MTMR10: variants seen among roughly 807,000 people sequenced by gnomAD.
MTMR10 encodes the protein myotubularin-related protein 10.
Under a neutral mutation model 88.1 loss-of-function variants are expected in MTMR10, and 56 were observed. That is an observed-to-expected ratio of 0.64 (90% CI 0.51 to 0.79). The LOEUF (loss-of-function observed/expected upper bound fraction) is 0.79. Ranked by LOEUF, MTMR10 falls within the 30% of genes least tolerant of loss-of-function variation. MTMR10 has a pLI of 0.00. For synonymous variants in MTMR10, 380 were observed against 340.9 expected (o/e 1.11, Z -1.26); for missense variants, 883 against 924.7 (o/e 0.95, Z 0.58).
Position 30,974,423 on chromosome 15 carries a change from C to A in MTMR10, c.365G>T (p.Gly122Val). The A allele has an allele frequency of 6.3e-7, 1 of 1,582,830 alleles. No individual in the cohort carries two copies. Among genetic ancestry groups the A allele is most frequent in the African/African-American group, 1.4e-5 (1 of 73,868 alleles). ...NDHKRKQKVL[G>V]PNQKLKFNPT... ...ATTAAATTTCAGTTTCTGGTTGGGG[C>A]CTAGGACTTTCTGCTTCCTCTTGTG... Residue 122 changes from glycine to valine, a missense_variant, in exon 5 of 16, where the codon GGC (glycine) becomes GTC (valine). Physicochemically the swap from Gly to Val is moderately radical, Grantham distance 109. Coordinates refer to ENST00000435680, the MANE Select transcript of MTMR10 (RefSeq NM_017762.3).
chr15:30,926,016 G>A, the MTMR10 span: 1 of 1,435,834 alleles, frequency 7.0e-7, no homozygotes, highest in Non-Finnish European at 9.7e-7. Context: ...TGTCAGCAGT[G>A]GGCTGCTGTC....
chr15:30,972,237 A>G (rs2063545939), intron 5 of MTMR10, among the ~76,000 whole-genome samples: 1 of 152,204 alleles, frequency 6.6e-6, no homozygotes. Context: ...TTCACTTGAA[A>G]TAAAAGAATA....
chr15:30,978,339 C>G (rs2141055900), intron 2 of MTMR10, among the ~76,000 whole-genome samples: 1 of 152,258 alleles, frequency 6.6e-6, no homozygotes, highest in South Asian at 2.1e-4. Flanking sequence ...ATGTTAGTGC[C>G]TAGAACAGTG....
chr15:30,990,120 TC>T (rs2031214383), intron 2 of MTMR10, among the ~76,000 whole-genome samples: 1 of 151,888 alleles, frequency 6.6e-6, no homozygotes, highest in Admixed American at 6.6e-5. Context: ...GAGATTTTTG[TC>T]CCCCAGAGGT....
chr15:30,946,696 C>T (rs2063176001), intron 14 of MTMR10: 1 of 701,516 alleles, frequency 1.4e-6, no homozygotes, highest in African/African-American at 1.8e-5. Context: ...GTCATAAATC[C>T]TCTACATCAA....
chr15:30,975,193 T>C (rs950712004), intron 3 of MTMR10, among the ~76,000 whole-genome samples, 190 bp from the exon 4 acceptor site: 5 of 152,148 alleles, frequency 3.3e-5, no homozygotes, highest in African/African-American at 1.2e-4. Flanking sequence ...AACAATCTTA[T>C]TATAATACCT....
chr15:30,976,586 G>A (rs924069190), intron 3 of MTMR10, among the ~76,000 whole-genome samples: 4 of 152,160 alleles, frequency 2.6e-5, no homozygotes, highest in South Asian at 2.1e-4. Context: ...TATAATGAAC[G>A]ATCACAGAGG....
chr15:30,957,869 A>G (rs887255996), intron 9 of MTMR10, among the ~76,000 whole-genome samples: 2 of 152,168 alleles, frequency 1.3e-5, no homozygotes, highest in Non-Finnish European at 2.9e-5. Flanking sequence ...GGAGACATGG[A>G]AGGAGGAAAT....
chr15:30,985,048 A>T (rs2030855272), intron 2 of MTMR10, among the ~76,000 whole-genome samples: 1 of 152,076 alleles, frequency 6.6e-6, no homozygotes, highest in Non-Finnish European at 1.5e-5. Flanking sequence ...CACACTCAAT[A>T]CCTGCAGAAC....
chr15:30,957,394 C>T (rs562563997), intron 9 of MTMR10, among the ~76,000 whole-genome samples: 2 of 152,286 alleles, frequency 1.3e-5, no homozygotes, highest in African/African-American at 4.8e-5. Context: ...GGAGAGAAGG[C>T]TTATCTTGAG....
At chr15:30,927,024 G>A in the MTMR10 span, 16 of 985,378 alleles carry the variant, frequency 1.6e-5, no homozygotes, top group Non-Finnish European at 1.9e-5. Context: ...TAGGAGTTAA[G>A]GAACGAACCA....
At chr15:30,930,868 G>A in the MTMR10 span, among the ~76,000 whole-genome samples, 3 of 152,168 alleles carry the variant, frequency 2.0e-5, no homozygotes, top group African/African-American at 7.2e-5. Context: ...GAGCCCCAGA[G>A]TGTGAGCAAG....
chr15:30,946,407 G>A (rs531920113), intron 14 of MTMR10: 1 of 269,468 alleles, frequency 3.7e-6, no homozygotes, highest in East Asian at 7.1e-5. Flanking sequence ...TGGAACATGG[G>A]CCTAGCACTT....
At chr15:30,973,415 T>C (rs946176894) in intron 5 of MTMR10, among the ~76,000 whole-genome samples, 6 of 152,050 alleles carry the variant, frequency 3.9e-5, no homozygotes, top group African/African-American at 1.4e-4. Context: ...TACCACCTCT[T>C]CACCAAAGTA....
chr15:30,955,360 TC>T (rs1156274627), intron 9 of MTMR10, among the ~76,000 whole-genome samples: 6 of 152,196 alleles, frequency 3.9e-5, no homozygotes, highest in African/African-American at 1.4e-4. Context: ...AACCTCCCCC[TC>T]CCGGGTTCAA....
chr15:30,931,325 T>C, the MTMR10 span, among the ~76,000 whole-genome samples: 2 of 152,360 alleles, frequency 1.3e-5, no homozygotes, highest in South Asian at 2.1e-4. Flanking sequence ...TAAAAAATTA[T>C]ATATCCTGGA....
At position 30,991,619 on chromosome 15, in the gene MTMR10, C is replaced by T. The variant is rs1427552303; in HGVS notation, c.-113G>A. 1.5e-6 allele frequency: 2 copies of T among 1,309,890 alleles called. No individual in the cohort carries two copies. The highest frequency in any genetic ancestry group is 2.0e-6 in the Non-Finnish European group (2 of 994,686). The allele number at this position is 1,309,890 out of a possible 1,614,324, so 81.1% of individuals were successfully genotyped here. A position where few individuals can be genotyped will look rare whatever the true frequency, so the allele number is the denominator to read the frequency against. On this transcript the variant is annotated 5_prime_UTR_variant, in exon 1 of 16. Transcript: ENST00000435680. ...AGGCCCTTTCTGCGGCCAGCCGAGC[C>T]GGGCGGACTGACGGGCGGGGATACG...
intron 12 of MTMR10, chr15:30,950,086 A>G (rs2063222871): frequency 6.6e-6 from 1 of 152,226 alleles, no homozygotes; most frequent in African/African-American, 2.4e-5. Context: ...ATAAACGTAT[A>G]TAAAAATGCT....
the MTMR10 span, chr15:30,929,060 A>G: frequency 2.5e-6 from 2 of 797,554 alleles, no homozygotes; most frequent in African/African-American, 1.8e-5. Flanking sequence ...AATTGCTTTT[A>G]TATCAATTAA....
Sources: gnomAD v4.1 joint callset for allele counts (sites outside exome capture counted in the v4.1 genomes callset) on GRCh38, gnomAD v4.1.1 for gene constraint, MANE v1.5 for transcripts, NCBI Gene and HGNC (gene_info 2026-07-23, HGNC 2026-07-21) for gene names.